RAP1GDS1: variants seen among roughly 807,000 people sequenced by gnomAD.
RAP1GDS1 encodes the protein Rap1 GTPase-GDP dissociation stimulator 1, also known as RAP1, GTP-GDP dissociation stimulator 1.
Under a neutral mutation model 71.1 loss-of-function variants are expected in RAP1GDS1, and 35 were observed. The observed-to-expected ratio is 0.49, with a 90% confidence interval of 0.38 to 0.65. The LOEUF (loss-of-function observed/expected upper bound fraction) is 0.65, where lower values mean the gene tolerates loss of function less well. Among genes scored for constraint, RAP1GDS1 ranks in the 30% least tolerant of loss-of-function variants. The probability of loss-of-function intolerance (pLI) is 0.00; values close to 1 mark genes in which losing one functional copy is unlikely to be tolerated. For missense variants in RAP1GDS1, 663 were observed against 706.1 expected (o/e 0.94, Z 0.69); for synonymous variants, 229 against 243.1 (o/e 0.94, Z 0.54).
chr4:98,360,787 C>G (rs1279548352), intron 4 of RAP1GDS1, among the ~76,000 whole-genome samples: 1 of 151,992 alleles, frequency 6.6e-6, no homozygotes, highest in Non-Finnish European at 1.5e-5. Flanking sequence ...GTGAATAATT[C>G]AGGGCCAGGC....
intron 2 of RAP1GDS1, among the ~76,000 whole-genome samples, chr4:98,307,954 A>G (rs1157935213): frequency 6.6e-6 from 1 of 152,054 alleles, no homozygotes; most frequent in Non-Finnish European, 1.5e-5. Flanking sequence ...TCACCATTAA[A>G]TATAACATCT....
At chr4:98,357,536 C>G (rs1738134515) in intron 4 of RAP1GDS1, among the ~76,000 whole-genome samples, 1 of 151,748 alleles carries the variant, frequency 6.6e-6, no homozygotes, top group South Asian at 2.1e-4. Flanking sequence ...ATCATAAGCT[C>G]TAAACACAAG....
At chr4:98,365,170 C>G (rs1297555048) in intron 4 of RAP1GDS1, among the ~76,000 whole-genome samples, 1 of 152,090 alleles carries the variant, frequency 6.6e-6, no homozygotes, top group Non-Finnish European at 1.5e-5. Context: ...TGATTGGATT[C>G]TTAGTAATAC....
chr4:98,308,233 CAT>C (rs1336434024), intron 2 of RAP1GDS1, among the ~76,000 whole-genome samples: 2 of 135,164 alleles, frequency 1.5e-5, no homozygotes, highest in Non-Finnish European at 3.2e-5. Context: ...CATATATGTG[CAT>C]ATATGTGTAT....
chr4:98,423,692 G>C (rs1291287350), intron 12 of RAP1GDS1, among the ~76,000 whole-genome samples: 2 of 152,010 alleles, frequency 1.3e-5, no homozygotes, highest in East Asian at 3.9e-4. Flanking sequence ...TCACAGGCGT[G>C]CACCACCATG....
chr4:98,337,586 CT>C (rs1466946883), intron 2 of RAP1GDS1, among the ~76,000 whole-genome samples: 3 of 152,194 alleles, frequency 2.0e-5, no homozygotes, highest in South Asian at 2.1e-4. Flanking sequence ...TTTGAAAGAG[CT>C]TTGAAATTTT....
chr4:98,350,625 G>T (rs1037914764), intron 3 of RAP1GDS1, among the ~76,000 whole-genome samples: 2 of 152,128 alleles, frequency 1.3e-5, no homozygotes, highest in Non-Finnish European at 1.5e-5. Flanking sequence ...GGATCACGAG[G>T]TCAGGAGTTC....
intron 1 of RAP1GDS1, among the ~76,000 whole-genome samples, chr4:98,262,041 C>A (rs1449840481): frequency 6.6e-6 from 1 of 152,244 alleles, no homozygotes; most frequent in Non-Finnish European, 1.5e-5. Flanking sequence ...GACTCCTCAT[C>A]CCGGGCGGGG....
intron 1 of RAP1GDS1, among the ~76,000 whole-genome samples, chr4:98,282,079 T>C (rs571701670): frequency 5.9e-5 from 9 of 152,108 alleles, no homozygotes; most frequent in Non-Finnish European, 1.2e-4. Flanking sequence ...TCTTTTTTTG[T>C]TGTGTCTCTG....
intron 2 of RAP1GDS1, among the ~76,000 whole-genome samples, chr4:98,342,150 C>A (rs990199407): frequency 6.6e-6 from 1 of 152,050 alleles, no homozygotes; most frequent in Non-Finnish European, 1.5e-5. Flanking sequence ...AAATATGTTA[C>A]GTACTTTTTT....
At chr4:98,433,417 C>T (rs1272090083) in intron 12 of RAP1GDS1, among the ~76,000 whole-genome samples, 1 of 151,964 alleles carries the variant, frequency 6.6e-6, no homozygotes, top group Non-Finnish European at 1.5e-5. Context: ...ACCTCAGCAC[C>T]CTGAGTAGCT....
In RAP1GDS1 at chr4:98,352,602, G is replaced by A. The variant is rs758205054; in HGVS notation, c.361+1G>A. On this transcript the variant is annotated splice_donor_variant, in intron 4 of 14. Coordinates refer to ENST00000408927, the MANE Select transcript of RAP1GDS1 (RefSeq NM_001100427.2). LOFTEE classifies it high-confidence loss of function. ...CTAGGAAACATATGTTACGATAGCC[G>A]TAAGTGTTGACATCTCAATAATACA... 8 of 1,613,100 alleles carry A rather than the reference G, an allele frequency of 5.0e-6. No homozygotes were observed. The highest frequency in any genetic ancestry group is 5.9e-6 in the Non-Finnish European group (7 of 1,179,666).
intron 14 of RAP1GDS1, among the ~76,000 whole-genome samples, chr4:98,438,588 A>ATATATATTTTTTTTT (rs1214035409): frequency 1.2e-5 from 1 of 86,916 alleles, no homozygotes; most frequent in African/African-American, 7.6e-5. Flanking sequence ...ATATATATAT[A>ATATATATTTTTTTTT]TCTTTTTTTT....
At chr4:98,383,521 C>G (rs865825201) in intron 5 of RAP1GDS1, among the ~76,000 whole-genome samples, 13 of 151,310 alleles carry the variant, frequency 8.6e-5, no homozygotes, top group African/African-American at 3.1e-4. Flanking sequence ...CCTGAAATCT[C>G]TCTGAGATAC....
At chr4:98,313,089 A>T (rs1162410493) in intron 2 of RAP1GDS1, among the ~76,000 whole-genome samples, 1 of 150,444 alleles carries the variant, frequency 6.6e-6, no homozygotes, top group African/African-American at 2.4e-5. Flanking sequence ...AAAAAAAAAA[A>T]AAAAAAAAGA....
intron 2 of RAP1GDS1, among the ~76,000 whole-genome samples, chr4:98,325,689 G>A (rs1375525370): frequency 2.3e-4 from 33 of 146,356 alleles, no homozygotes; most frequent in Admixed American, 1.2e-3. Context: ...ACCAAACACC[G>A]AATATTCTCA....
chr4:98,427,691 A>G (rs1317934339), intron 12 of RAP1GDS1, among the ~76,000 whole-genome samples: 1 of 152,212 alleles, frequency 6.6e-6, no homozygotes, highest in Non-Finnish European at 1.5e-5. Flanking sequence ...GAAAACTACA[A>G]AACACTGCTA....
chr4:98,336,175 G>C (rs1482227818), intron 2 of RAP1GDS1, among the ~76,000 whole-genome samples: 2 of 151,994 alleles, frequency 1.3e-5, no homozygotes. Context: ...TTTCTTATAG[G>C]TAAATATTCA....
intron 4 of RAP1GDS1, among the ~76,000 whole-genome samples, chr4:98,376,939 A>G (rs913234710): frequency 9.2e-5 from 14 of 151,972 alleles, no homozygotes; most frequent in African/African-American, 2.7e-4. Context: ...TTATTGCATC[A>G]AATTTGTTGA....
Sources: gnomAD v4.1 joint callset for allele counts (sites outside exome capture counted in the v4.1 genomes callset) on GRCh38, gnomAD v4.1.1 for gene constraint, MANE v1.5 for transcripts, NCBI Gene and HGNC (gene_info 2026-07-23, HGNC 2026-07-21) for gene names.